Variants in FAT3 observed in about 807,000 individuals in gnomAD.
FAT3 encodes the protein protocadherin Fat 3.
A neutral mutation model predicts 310.2 loss-of-function variants in FAT3; 95 were observed. The observed-to-expected ratio is 0.31, with a 90% CI of 0.26 to 0.36. The LOEUF is 0.36. Among genes scored for constraint, FAT3 ranks in the 10% least tolerant of loss-of-function variants. The pLI is 1.00. For missense variants in FAT3, 5,408 were observed against 5,715.6 expected (o/e 0.95, Z 1.74); for synonymous variants, 2,314 against 2,192.9 (o/e 1.06, Z -1.54).
intron 3 of FAT3, among the ~76,000 whole-genome samples, chr11:92,643,147 A>G (rs1235156186): frequency 2.0e-5 from 3 of 152,178 alleles, no homozygotes; most frequent in Non-Finnish European, 2.9e-5. Flanking sequence ...TGAGCCTTGA[A>G]CCTGAACCTA....
chr11:92,402,267 A>T (rs976105736), intron 2 of FAT3, among the ~76,000 whole-genome samples: 1 of 152,230 alleles, frequency 6.6e-6, no homozygotes, highest in Non-Finnish European at 1.5e-5. Context: ...GAACTTGAAG[A>T]TAAGTTAATA....
At chr11:92,404,691 A>G (rs796572876) in intron 2 of FAT3, among the ~76,000 whole-genome samples, 1 of 151,798 alleles carries the variant, frequency 6.6e-6, no homozygotes, top group African/African-American at 2.4e-5. Context: ...CTGGTAAAAC[A>G]TTTCTACATT....
intron 13 of FAT3, among the ~76,000 whole-genome samples, chr11:92,812,763 T>C (rs1947713645): frequency 6.6e-6 from 1 of 152,204 alleles, no homozygotes; most frequent in Non-Finnish European, 1.5e-5. Flanking sequence ...AAAGAGCAAC[T>C]GCATCCTTGA....
rs765949446 is a variant in FAT3 at position 92,801,591 on chromosome 11, G to A, written c.8578G>A (p.Glu2860Lys). The change falls in exon 10 of 28, where the codon GAA (glutamate) becomes AAA (lysine). Residue 2860 changes from glutamate to lysine, a missense_variant. Glu to Lys is a moderately conservative substitution (Grantham distance 56). This residue lies in a region of FAT3 where 4,588 missense variants were observed against 4,809.8 expected (regional missense o/e 0.95). Transcript: ENST00000525166. ...CTCCCTCCACTCGGATTCCCAGCCC[G>A]AAAAGGTAATGGAAGCATTCAATAT... is the stretch of plus-strand genomic sequence containing the variant. ...TYSLHSDSQP[E>K]KVMEAFNIDS... The A allele has an allele frequency of 1.1e-5, 18 of 1,611,608 alleles. No individual in the cohort carries two copies. Among genetic ancestry groups the A allele is most frequent in the African/African-American group, 5.3e-5 (4 of 75,002 alleles).
intron 2 of FAT3, among the ~76,000 whole-genome samples, chr11:92,446,258 T>C (rs1361975151): frequency 6.6e-6 from 1 of 152,228 alleles, no homozygotes; most frequent in Admixed American, 6.5e-5. Flanking sequence ...TAGGTGATAC[T>C]ATTCCCTAGT....
intron 4 of FAT3, among the ~76,000 whole-genome samples, chr11:92,711,846 T>C (rs1379533468): frequency 6.6e-6 from 1 of 152,228 alleles, no homozygotes; most frequent in African/African-American, 2.4e-5. Flanking sequence ...CCAGTATAGT[T>C]TGATATTCTA....
At chr11:92,538,679 A>G (rs928279157) in intron 3 of FAT3, among the ~76,000 whole-genome samples, 3 of 152,156 alleles carry the variant, frequency 2.0e-5, no homozygotes, top group Non-Finnish European at 4.4e-5. Flanking sequence ...AGGGTGTACA[A>G]GGATGAATAA....
chr11:92,632,968 C>T (rs981547177), intron 3 of FAT3, among the ~76,000 whole-genome samples: 1 of 152,218 alleles, frequency 6.6e-6, no homozygotes, highest in Non-Finnish European at 1.5e-5. Flanking sequence ...TCCTTGTTCT[C>T]ATCACAGTTC....
At chr11:92,760,923 G>A (rs550502258) in intron 4 of FAT3, among the ~76,000 whole-genome samples, 1 of 152,148 alleles carries the variant, frequency 6.6e-6, no homozygotes, top group South Asian at 2.1e-4. Context: ...GACATGGAGA[G>A]AGGTGTACAT....
rs544146606 is a variant in FAT3, at chr11:92,756,887, T to A, written c.3670-4969T>A. 2.0e-5 allele frequency among the ~76,000 whole-genome samples: 3 copies of A among 151,438 alleles called. No homozygotes were observed. The East Asian group carries it at 5.8e-4, about 29-fold the overall frequency. On this transcript the variant is annotated intron_variant, in intron 4 of 27. Transcript: ENST00000525166. ...CCTGCCTCCTGGCTCTGCCTGGCAT[T>A]CACAGACCAATGAACTATTTGTGGC...
intron 1 of FAT3, among the ~76,000 whole-genome samples, chr11:92,345,132 G>A (rs542856815): frequency 6.6e-6 from 1 of 152,184 alleles, no homozygotes; most frequent in Admixed American, 6.5e-5. Context: ...GGGTCTCTAT[G>A]TTTTATGATT....
chr11:92,824,513 A>G (rs913084818), intron 13 of FAT3, among the ~76,000 whole-genome samples: 9 of 152,232 alleles, frequency 5.9e-5, no homozygotes, highest in African/African-American at 1.9e-4. Context: ...AAAGTAGCCT[A>G]TACAATATGT....
In FAT3 at chr11:92,583,944, G is replaced by T. The variant is rs527484834; in HGVS notation, c.3607+58996G>T. ...GGTTAGACATCTTAAATTTCTTTTG[G>T]TACTAAACGAAGAGAAGTGCATGTT... On this transcript the variant is annotated intron_variant, in intron 3 of 27. Coordinates refer to ENST00000525166, the MANE Select transcript of FAT3 (RefSeq NM_001367949.2). Among the ~76,000 whole-genome samples the T allele has an allele frequency of 4.8e-4, 73 of 152,114 alleles. 1 individual carries two copies. In the South Asian group the frequency reaches 0.014, roughly 30 times the overall value.
chr11:92,423,392 G>A (rs1399338868), intron 2 of FAT3, among the ~76,000 whole-genome samples: 2 of 152,140 alleles, frequency 1.3e-5, no homozygotes, highest in Non-Finnish European at 2.9e-5. Context: ...GAGTCATGAA[G>A]AAGTTTGAAA....
intron 3 of FAT3, among the ~76,000 whole-genome samples, chr11:92,665,557 G>T (rs1228732704): frequency 6.6e-6 from 1 of 152,174 alleles, no homozygotes; most frequent in African/African-American, 2.4e-5. Flanking sequence ...GAATTGAATT[G>T]TAAAGAAATT....
intron 4 of FAT3, among the ~76,000 whole-genome samples, chr11:92,746,942 A>G (rs55637203): frequency 0.015 from 2,354 of 152,296 alleles, 80 homozygotes; most frequent in African/African-American, 0.054. Flanking sequence ...TTTGCAGGGT[A>G]CAGCCTCCCT....
intron 18 of FAT3, among the ~76,000 whole-genome samples, chr11:92,843,647 G>A (rs1471937039): frequency 6.6e-6 from 1 of 152,134 alleles, no homozygotes; most frequent in Non-Finnish European, 1.5e-5. Context: ...GCCTGTTGTG[G>A]GCATGTTGAG....
At chr11:92,412,702 G>GATATATAT (rs758587642) in intron 2 of FAT3, among the ~76,000 whole-genome samples, 130 of 13,368 alleles carry the variant, frequency 9.7e-3, no homozygotes, top group Non-Finnish European at 0.013. Context: ...TGATGGTGGT[G>GATATATAT]ATATATATAT....
intron 2 of FAT3, among the ~76,000 whole-genome samples, chr11:92,368,054 A>G (rs1949073829): frequency 6.6e-6 from 1 of 152,216 alleles, no homozygotes; most frequent in African/African-American, 2.4e-5. Flanking sequence ...TATGACAGAT[A>G]CCACAAAACT....
Sources: gnomAD v4.1 joint callset for allele counts (sites outside exome capture counted in the v4.1 genomes callset) on GRCh38, gnomAD v4.1.1 for gene constraint, gnomAD v4.1.1 regional missense constraint, MANE v1.5 for transcripts, NCBI Gene and HGNC (gene_info 2026-07-23, HGNC 2026-07-21) for gene names.